The following PLEKHM1 variants were observed in gnomAD, a reference collection of about 807,000 sequenced individuals.
PLEKHM1 encodes pleckstrin homology domain-containing family M member 1.
Under a neutral mutation model 94.3 loss-of-function variants are expected in PLEKHM1, and 28 were observed. The observed-to-expected ratio is 0.30, with a 90% CI of 0.22 to 0.41. The LOEUF (loss-of-function observed/expected upper bound fraction) is 0.41. Ranked by LOEUF, PLEKHM1 falls within the 10% of genes least tolerant of loss-of-function variation. PLEKHM1 has a pLI of 1.00. For missense variants in PLEKHM1, 907 were observed against 1,358.6 expected (o/e 0.67, Z 5.22); for synonymous variants, 424 against 581.2 (o/e 0.73, Z 3.89).
At chr17:45,480,301 G>A (rs1313290305) in intron 2 of PLEKHM1, among the ~76,000 whole-genome samples, 3 of 152,078 alleles carry the variant, frequency 2.0e-5, no homozygotes, top group East Asian at 1.9e-4. Flanking sequence ...TGGCCAACAT[G>A]GTGAAACCCC....
In PLEKHM1 at chr17:45,457,050, G is replaced by A. The variant is rs1214028330; in HGVS notation, c.1579+1119C>T. On this transcript the variant is annotated intron_variant, in intron 6 of 11. Transcript: ENST00000430334. ...ACAAGAATCACCTGGGTGTGGCAGTGCATGTCTGTAATCCCAGCTCCTGGA... is the reference window on the plus strand; with the variant it reads ...ACAAGAATCACCTGGGTGTGGCAGTACATGTCTGTAATCCCAGCTCCTGGA... Among the ~76,000 whole-genome samples, 5 of 152,008 alleles carry A rather than the reference G, an allele frequency of 3.3e-5. No individual in the cohort carries two copies. In the East Asian group the frequency reaches 9.7e-4, roughly 29 times the overall value.
Position 45,437,056 on chromosome 17 carries a change from A to G in PLEKHM1, c.*802T>C, listed in dbSNP as rs1202805710. The G allele has an allele frequency of 2.2e-6, 1 of 454,510 alleles. No homozygotes were observed. Among genetic ancestry groups the G allele is most frequent in the Non-Finnish European group, 4.4e-6 (1 of 226,790 alleles). 28.2% of individuals were successfully genotyped at this position (454,510 alleles called of 1,614,324 possible). ...ACCCTCCATAAACCGAGGAGGGCTC[A>G]AAGTGCTGACAGTGCTGGTTTCCAG... On this transcript the variant is annotated 3_prime_UTR_variant, in exon 12 of 12. Transcript: ENST00000430334. The surrounding 1 kb of genome is among the most constrained non-coding windows in gnomAD (Gnocchi z 4.0).
intron 5 of PLEKHM1, among the ~76,000 whole-genome samples, chr17:45,462,482 G>C (rs984160563): frequency 3.3e-5 from 5 of 151,954 alleles, no homozygotes; most frequent in African/African-American, 1.2e-4. Flanking sequence ...TGTCCCTGAA[G>C]ACTCAGCTCA....
intron 4 of PLEKHM1, among the ~76,000 whole-genome samples, chr17:45,472,672 C>T (rs996172972): frequency 6.6e-6 from 1 of 152,214 alleles, no homozygotes; most frequent in Non-Finnish European, 1.5e-5. Context: ...CATTTGAAAA[C>T]TCCACCTAAT....
rs1257686340 is a variant in PLEKHM1, at chr17:45,436,030, C to G, written c.*1828G>C. On this transcript the variant is annotated 3_prime_UTR_variant, in exon 12 of 12. Coordinates refer to ENST00000430334, the MANE Select transcript of PLEKHM1 (RefSeq NM_014798.3). ...AGGAACAGTGTATTGCATAAAATAA[C>G]ATTTTAAAAATAGTGTGGGCACTAC... 2.2e-6 allele frequency: 1 copy of G among 456,540 alleles called. No homozygotes were observed. Among genetic ancestry groups the G allele is most frequent in the Non-Finnish European group, 4.4e-6 (1 of 226,986 alleles). 28.3% of individuals were successfully genotyped at this position (456,540 alleles called of 1,614,324 possible). A position where few individuals can be genotyped will look rare whatever the true frequency, so the allele number is the denominator to read the frequency against.
At chr17:45,454,457 C>T (rs2050883144) in intron 6 of PLEKHM1, 185 bp from the exon 7 acceptor site, 13 of 658,984 alleles carry the variant, frequency 2.0e-5, no homozygotes, top group South Asian at 1.5e-4. Flanking sequence ...CCATTCTCAC[C>T]GTCCACTGCT....
chr17:45,471,742 C>T (rs1034261797), intron 4 of PLEKHM1, among the ~76,000 whole-genome samples: 2 of 152,036 alleles, frequency 1.3e-5, no homozygotes, highest in East Asian at 1.9e-4. Context: ...GGGGACAGAG[C>T]GAGACTCCGT....
At position 45,475,312 on chromosome 17, in the gene PLEKHM1, C is replaced by T. The variant is rs1306909093; in HGVS notation, c.711G>A (p.Ser237=). The change falls in exon 4 of 12, where the codon TCG becomes TCA. Residue 237 remains serine, a synonymous_variant. Transcript: ENST00000430334. ...SGSEDIEVHH[S]GHKIRRNQKL... ...TCTGGTTCCTCCGTATCTTATGGCC[C>T]GAGTGATGGACTTCGATGTCTTCAG... is the stretch of plus-strand genomic sequence containing the variant. 29 of 1,613,780 alleles carry T rather than the reference C, an allele frequency of 1.8e-5. 1 individual carries two copies. Among genetic ancestry groups the T allele is most frequent in the African/African-American group, 4.0e-5 (3 of 74,896 alleles).
At chr17:45,457,491 C>T (rs1446877961) in intron 6 of PLEKHM1, among the ~76,000 whole-genome samples, 2 of 150,648 alleles carry the variant, frequency 1.3e-5, no homozygotes, top group East Asian at 1.9e-4. Context: ...ACACGGGAGG[C>T]GGAGGTTGTG....
In PLEKHM1 at chr17:45,473,780, G is replaced by A. The variant is rs191386031; in HGVS notation, c.923+1320C>T. On this transcript the variant is annotated intron_variant, in intron 4 of 11. Coordinates refer to ENST00000430334, the MANE Select transcript of PLEKHM1 (RefSeq NM_014798.3). Reference sequence around the variant, plus strand: ...TCACCGTGTTAGCCAGAAAGGTCTCGATCTCTTGCCTTTGTGATCCGCCCG... The same window carrying A: ...TCACCGTGTTAGCCAGAAAGGTCTCAATCTCTTGCCTTTGTGATCCGCCCG... 3.9e-5 allele frequency among the ~76,000 whole-genome samples: 6 copies of A among 151,962 alleles called. No homozygotes were observed. In the East Asian group the frequency reaches 1.2e-3, roughly 30 times the overall value.
chr17:45,478,867 C>T (rs957254183), intron 2 of PLEKHM1, among the ~76,000 whole-genome samples: 5 of 152,114 alleles, frequency 3.3e-5, no homozygotes, highest in Non-Finnish European at 7.3e-5. Flanking sequence ...AGCCAGAGGA[C>T]TAGGCTCAGT....
chr17:45,470,656 T>TG (rs2051475325), intron 4 of PLEKHM1, among the ~76,000 whole-genome samples: 1 of 148,508 alleles, frequency 6.7e-6, no homozygotes, highest in African/African-American at 2.5e-5. Context: ...AACGTTTGTG[T>TG]GGTTTTTTTT....
intron 4 of PLEKHM1, 39 bp downstream of exon 4, chr17:45,475,061 A>G: frequency 6.2e-7 from 1 of 1,611,570 alleles, no homozygotes. Flanking sequence ...GAAAGGAGGG[A>G]AGAGAGAAGA....
chr17:45,471,751 G>A (rs1171181989), intron 4 of PLEKHM1, among the ~76,000 whole-genome samples: 11 of 152,102 alleles, frequency 7.2e-5, no homozygotes, highest in African/African-American at 1.2e-4. Context: ...GCGAGACTCC[G>A]TTTCAAAAAA....
intron 6 of PLEKHM1, among the ~76,000 whole-genome samples, chr17:45,455,438 C>T (rs62065384): frequency 0.12 from 18,285 of 151,898 alleles, 1,530 homozygotes; most frequent in Middle Eastern, 0.21. Context: ...CAATTTTTAT[C>T]GCCAGCCTGG....
intron 9 of PLEKHM1, chr17:45,440,807 G>T: frequency 5.4e-6 from 1 of 184,302 alleles, no homozygotes; most frequent in Admixed American, 5.4e-5. Flanking sequence ...AGAGATGCAG[G>T]CTGTTGTCAT....
chr17:45,483,151 G>A (rs1197901784), intron 1 of PLEKHM1, among the ~76,000 whole-genome samples: 1 of 151,844 alleles, frequency 6.6e-6, no homozygotes, highest in African/African-American at 2.4e-5. Context: ...GTGTCTAACC[G>A]GGATGACCAT....
chr17:45,438,601 G>A (rs960294008), intron 11 of PLEKHM1, among the ~76,000 whole-genome samples: 2 of 152,082 alleles, frequency 1.3e-5, no homozygotes, highest in African/African-American at 4.8e-5. Context: ...CTGTTGCCCA[G>A]GCTGGAGTGC....
intron 9 of PLEKHM1, among the ~76,000 whole-genome samples, chr17:45,442,622 C>T (rs2050483964): frequency 6.6e-6 from 1 of 152,198 alleles, no homozygotes; most frequent in Admixed American, 6.5e-5. Context: ...CCAGGCTGGT[C>T]TCAAAATCCT....
Sources: gnomAD v4.1 joint callset for allele counts (sites outside exome capture counted in the v4.1 genomes callset) on GRCh38, gnomAD v4.1.1 for gene constraint, Gnocchi (gnomAD v3.1) non-coding constraint, MANE v1.5 for transcripts, NCBI Gene and HGNC (gene_info 2026-07-23, HGNC 2026-07-21) for gene names.